Variants in FBXL20 observed in about 807,000 individuals in gnomAD.
The protein encoded by FBXL20 is F-box and leucine rich repeat protein 20.
FBXL20 carries 11 observed loss-of-function variants against 64.0 expected under a neutral mutation model. That is an observed-to-expected ratio of 0.17 (90% CI 0.11 to 0.28). The LOEUF is 0.28. FBXL20 is among the 10% of genes least tolerant of loss of function. The probability of loss-of-function intolerance (pLI) is 1.00; values close to 1 mark genes in which losing one functional copy is unlikely to be tolerated. For synonymous variants in FBXL20, 184 were observed against 189.0 expected (o/e 0.97, Z 0.22); for missense variants, 303 against 526.2 (o/e 0.58, Z 4.15).
At chr17:39,304,047 C>G (rs2047160234) in intron 2 of FBXL20, among the ~76,000 whole-genome samples, 1 of 142,698 alleles carries the variant, frequency 7.0e-6, no homozygotes, top group Admixed American at 7.2e-5. Flanking sequence ...CACACAAACA[C>G]AAAGGCAGTT....
At chr17:39,371,394 T>G (rs2047917337) in intron 1 of FBXL20, among the ~76,000 whole-genome samples, 1 of 152,174 alleles carries the variant, frequency 6.6e-6, no homozygotes, top group Non-Finnish European at 1.5e-5. Flanking sequence ...TCTTTTTTAT[T>G]GGATGGAGGG....
chr17:39,340,996 G>A (rs185279453), intron 2 of FBXL20, among the ~76,000 whole-genome samples: 3 of 140,364 alleles, frequency 2.1e-5, no homozygotes, highest in African/African-American at 7.9e-5. Context: ...ACAAAGTTTT[G>A]CTTTTTTTTT....
At chr17:39,341,317 A>T (rs1567888082) in intron 2 of FBXL20, among the ~76,000 whole-genome samples, 1 of 152,210 alleles carries the variant, frequency 6.6e-6, no homozygotes, top group Non-Finnish European at 1.5e-5. Flanking sequence ...GAACCAATTT[A>T]ACCTATAATG....
intron 1 of FBXL20, among the ~76,000 whole-genome samples, chr17:39,397,312 G>A (rs1407472286): frequency 2.0e-5 from 3 of 152,156 alleles, no homozygotes; most frequent in Non-Finnish European, 2.9e-5. Context: ...AGGCAGTGAC[G>A]TATAATGAAA....
chr17:39,277,109 A>C, intron 9 of FBXL20, among the ~76,000 whole-genome samples: 1 of 152,216 alleles, frequency 6.6e-6, no homozygotes, highest in East Asian at 1.9e-4. Context: ...AAATCCCACA[A>C]CTTTTAATAT....
intron 13 of FBXL20, among the ~76,000 whole-genome samples, chr17:39,264,701 C>T (rs2046776782): frequency 6.6e-6 from 1 of 152,162 alleles, no homozygotes; most frequent in Non-Finnish European, 1.5e-5. Flanking sequence ...TCCTTCTCTA[C>T]AGGGATAAAT....
intron 12 of FBXL20, among the ~76,000 whole-genome samples, chr17:39,266,758 G>C (rs1013010681): frequency 1.3e-5 from 2 of 152,182 alleles, no homozygotes; most frequent in Non-Finnish European, 2.9e-5. Context: ...TGTTCTATGA[G>C]AATCCACTCA....
intron 2 of FBXL20, among the ~76,000 whole-genome samples, chr17:39,341,570 A>G (rs1030206040): frequency 2.0e-5 from 3 of 152,220 alleles, no homozygotes; most frequent in Admixed American, 2.0e-4. Flanking sequence ...GACTGTGTAT[A>G]TATATGGTAC....
intron 1 of FBXL20, among the ~76,000 whole-genome samples, chr17:39,354,231 A>G (rs2047714754): frequency 6.6e-6 from 1 of 152,238 alleles, no homozygotes; most frequent in Non-Finnish European, 1.5e-5. Context: ...GAAGTCTACC[A>G]ACGGGGAAAA....
rs1476308118 is a variant in FBXL20, at chr17:39,281,437, T to A, written c.648A>T (p.Ile216=). 1 of 1,613,796 alleles carries A rather than the reference T, an allele frequency of 6.2e-7. No homozygotes were observed. Among genetic ancestry groups the A allele is most frequent in the Non-Finnish European group, 8.5e-7 (1 of 1,179,852 alleles). ...TQLEDEALKY[I]GAHCPELVTL... The stretch of plus-strand genomic sequence containing the variant: ...TCACCAGTTCAGGGCAGTGTGCACC[T>A]ATGTACTTGAGAGCTTCATCTTCTA... The change falls in exon 9 of 15, where the codon ATA becomes ATT. Residue 216 remains isoleucine, a synonymous_variant. Coordinates refer to ENST00000264658, the MANE Select transcript of FBXL20 (RefSeq NM_032875.3).
chr17:39,382,407 C>A (rs1293166957), intron 1 of FBXL20, among the ~76,000 whole-genome samples: 1 of 141,778 alleles, frequency 7.1e-6, no homozygotes, highest in African/African-American at 2.7e-5. Flanking sequence ...CGCGCCACTG[C>A]ACTCCAGCCA....
chr17:39,315,028 C>T (rs1231375695), intron 2 of FBXL20, among the ~76,000 whole-genome samples: 1 of 151,986 alleles, frequency 6.6e-6, no homozygotes, highest in Non-Finnish European at 1.5e-5. Flanking sequence ...ATCTCCTGAC[C>T]TCAAGTGATC....
chr17:39,355,523 A>C (rs1322158119), intron 1 of FBXL20, among the ~76,000 whole-genome samples: 1 of 151,956 alleles, frequency 6.6e-6, no homozygotes, highest in African/African-American at 2.4e-5. Context: ...GATAAACTGC[A>C]ATTTTTTTCT....
intron 1 of FBXL20, among the ~76,000 whole-genome samples, chr17:39,392,746 C>T (rs1231378709): frequency 6.6e-6 from 1 of 152,120 alleles, no homozygotes; most frequent in Non-Finnish European, 1.5e-5. Flanking sequence ...GGCGAGGCGG[C>T]TCACCCCTGT....
chr17:39,310,153 TAA>T (rs34838706), intron 2 of FBXL20, among the ~76,000 whole-genome samples: 16 of 134,656 alleles, frequency 1.2e-4, no homozygotes, highest in Admixed American at 2.3e-4. Context: ...TCTACAAATT[TAA>T]AAAAAAAAAA....
At chr17:39,302,735 C>T (rs2047149060) in intron 3 of FBXL20, among the ~76,000 whole-genome samples, 1 of 152,054 alleles carries the variant, frequency 6.6e-6, no homozygotes, top group Non-Finnish European at 1.5e-5. Flanking sequence ...GTCTTGAACT[C>T]CTGGCCTCAA....
chr17:39,268,180 C>A (rs2046809120), intron 12 of FBXL20, among the ~76,000 whole-genome samples: 1 of 151,962 alleles, frequency 6.6e-6, no homozygotes, highest in Admixed American at 6.6e-5. Context: ...AGTGAAATCC[C>A]ATCTCTACTA....
chr17:39,377,759 T>C (rs2047982153), intron 1 of FBXL20, among the ~76,000 whole-genome samples: 1 of 152,142 alleles, frequency 6.6e-6, no homozygotes, highest in African/African-American at 2.4e-5. Context: ...CCCCTAGGCC[T>C]CCCAAAGTGC....
chr17:39,276,293 G>A (rs2046892844), intron 9 of FBXL20, among the ~76,000 whole-genome samples: 1 of 143,786 alleles, frequency 7.0e-6, no homozygotes, highest in Admixed American at 7.1e-5. Context: ...AAGGAATAAA[G>A]AAAGGAAAGA....
Sources: allele counts gnomAD v4.1 joint callset (sites outside exome capture counted in the v4.1 genomes callset), GRCh38; gene constraint gnomAD v4.1.1; transcripts MANE v1.5; gene names NCBI Gene and HGNC (gene_info 2026-07-23, HGNC 2026-07-21).